TRIM66: variants seen among roughly 807,000 people sequenced by gnomAD.
TRIM66 encodes the protein tripartite motif containing 66, also known as tripartite motif-containing protein 66.
A neutral mutation model predicts 148.2 loss-of-function variants in TRIM66; 99 were observed. That is an observed-to-expected ratio of 0.67 (90% CI 0.57 to 0.79). The LOEUF (loss-of-function observed/expected upper bound fraction) is 0.79, where lower values mean the gene tolerates loss of function less well. Ranked by LOEUF, TRIM66 falls within the 30% of genes least tolerant of loss-of-function variation. The pLI is 0.00. For synonymous variants in TRIM66, 616 were observed against 635.9 expected (o/e 0.97, Z 0.47); for missense variants, 1,666 against 1,697.9 (o/e 0.98, Z 0.33).
At chr11:8,678,656 C>T (rs2039290870) in intron 3 of TRIM66, among the ~76,000 whole-genome samples, 1 of 152,182 alleles carries the variant, frequency 6.6e-6, no homozygotes, top group Admixed American at 6.5e-5. Context: ...AAAGCAGAAA[C>T]ACTGCTTCTT....
chr11:8,682,487 A>C, intron 1 of TRIM66, 114 bp downstream of exon 1: 1 of 450,246 alleles, frequency 2.2e-6, no homozygotes, highest in African/African-American at 2.1e-5. Context: ...TTCCCTGACC[A>C]AGGCGCCAGA....
chr11:8,619,610 A>G (rs1814960521), intron 22 of TRIM66, 75 bp from the exon 23 acceptor site: 4 of 1,346,672 alleles, frequency 3.0e-6, no homozygotes, highest in Non-Finnish European at 3.9e-6. Flanking sequence ...AAGAAGGAAG[A>G]AGAAATGGAA....
At chr11:8,660,758 T>C (rs552230729) in intron 6 of TRIM66, among the ~76,000 whole-genome samples, 1 of 152,368 alleles carries the variant, frequency 6.6e-6, no homozygotes, top group African/African-American at 2.4e-5. Flanking sequence ...TTGTGAACTC[T>C]AATTCTGATA....
rs2034165382 is a variant in TRIM66 at position 8,621,085 on chromosome 11, G to A, written c.3492C>T (p.Cys1164=). Residue 1164 remains cysteine, a synonymous_variant, in exon 20 of 25, where the codon TGC becomes TGT. Transcript: ENST00000646038. ...GGCAGGAGAGGTGGAACACTTTGGG[G>A]CAGCGGTCACAGCACAGTAACTCTC... ...NGGELLCCDR[C]PKVFHLSCHV... is the part of the protein sequence containing the mutation. 3 of 1,551,724 alleles carry A rather than the reference G, an allele frequency of 1.9e-6. No individual in the cohort carries two copies. The highest frequency in any genetic ancestry group is 2.0e-5 in the Admixed American group (1 of 51,006).
intron 12 of TRIM66, 114 bp from the exon 13 acceptor site, chr11:8,643,240 T>A: frequency 1.3e-6 from 1 of 768,182 alleles, no homozygotes; most frequent in Non-Finnish European, 2.1e-6. Flanking sequence ...CTTTAACCTC[T>A]GGTCATCCTC....
intron 17 of TRIM66, among the ~76,000 whole-genome samples, chr11:8,623,626 C>G (rs771624536): frequency 6.6e-6 from 1 of 152,048 alleles, no homozygotes; most frequent in Non-Finnish European, 1.5e-5. Context: ...ATACATTGAA[C>G]GAAAAAAGTC....
In TRIM66 at chr11:8,668,199, T is replaced by C. The variant is rs115817873; in HGVS notation, c.340+3587A>G. On this transcript the variant is annotated intron_variant, in intron 6 of 24. Coordinates refer to ENST00000646038, the MANE Select transcript of TRIM66 (RefSeq NM_001388022.1). ...TGTTGAGCATTTTTTCTTGGGCTTA[T>C]TGGTTATTTGTACTTCATCTTTGGA... 8.5e-3 allele frequency among the ~76,000 whole-genome samples: 1,300 copies of C among 152,330 alleles called. 19 individuals carry two copies. The highest frequency in any genetic ancestry group is 0.029 in the African/African-American group (1,223 of 41,568).
At chr11:8,646,704 C>G in intron 10 of TRIM66, 143 bp from the exon 11 acceptor site, 1 of 642,290 alleles carries the variant, frequency 1.6e-6, no homozygotes, top group Non-Finnish European at 2.7e-6. Context: ...AAAAGAGAGC[C>G]TTCCTCCACC....
chr11:8,652,088 T>G (rs2037407620), intron 6 of TRIM66, among the ~76,000 whole-genome samples, 185 bp from the exon 7 acceptor site: 1 of 152,176 alleles, frequency 6.6e-6, no homozygotes, highest in Admixed American at 6.5e-5. Flanking sequence ...ACCATCCCAT[T>G]GGGGCCTTCC....
At chr11:8,666,984 T>A (rs1294271072) in intron 6 of TRIM66, among the ~76,000 whole-genome samples, 2 of 151,148 alleles carry the variant, frequency 1.3e-5, no homozygotes, top group East Asian at 3.9e-4. Flanking sequence ...ACCCGGCAAC[T>A]TTTTTTTTGT....
chr11:8,665,883 A>C (rs2038558193), intron 6 of TRIM66, among the ~76,000 whole-genome samples: 1 of 150,894 alleles, frequency 6.6e-6, no homozygotes, highest in South Asian at 2.1e-4. Context: ...CGGGAGGTGG[A>C]GTTTGCAGTG....
intron 20 of TRIM66, 92 bp downstream of exon 20, chr11:8,620,940 A>G (rs2034150843): frequency 6.8e-7 from 1 of 1,466,082 alleles, no homozygotes; most frequent in Admixed American, 2.3e-5. Flanking sequence ...GAGTAAGCCC[A>G]TCCTGGGAGC....
chr11:8,617,663 C>T lies in TRIM66; in HGVS notation c.*281G>A, dbSNP rs770247549. ...CCAAGGAAAGTAGGTTTTCCCGAGC[C>T]TAACCAGGTGTGGTCTTGTCAAGTG... On this transcript the variant is annotated 3_prime_UTR_variant, in exon 25 of 25. Coordinates refer to ENST00000646038, the MANE Select transcript of TRIM66 (RefSeq NM_001388022.1). The T allele has an allele frequency of 1.7e-5, 7 of 407,344 alleles. No homozygotes were observed. The highest frequency in any genetic ancestry group is 2.6e-5 in the Non-Finnish European group (6 of 230,262). 25.2% of individuals were successfully genotyped at this position (407,344 alleles called of 1,614,324 possible).
chr11:8,645,380 G>A (rs938666569), intron 12 of TRIM66, among the ~76,000 whole-genome samples: 1 of 152,064 alleles, frequency 6.6e-6, no homozygotes, highest in Non-Finnish European at 1.5e-5. Context: ...TCAGACCCCC[G>A]TGTAAACCCC....
At chr11:8,644,484 T>C (rs1181233112) in intron 12 of TRIM66, 4 of 449,480 alleles carry the variant, frequency 8.9e-6, no homozygotes, top group Non-Finnish European at 1.8e-5. Context: ...CCAACTTGTA[T>C]CCCTTCTACC....
chr11:8,621,193 G>C lies in TRIM66; in HGVS notation c.3384C>G (p.Leu1128=). 1 of 1,551,734 alleles carries C rather than the reference G, an allele frequency of 6.4e-7. No homozygotes were observed. The highest frequency in any genetic ancestry group is 8.7e-7 in the Non-Finnish European group (1 of 1,146,994). The change falls in exon 20 of 25, where the codon CTC becomes CTG. Residue 1128 remains leucine (L), a synonymous_variant. Transcript: ENST00000646038. The part of the protein sequence containing the change: ...VEGTSPEEHR[L]IPRTPGAKKG... Reference sequence around the variant, plus strand: ...TCTTGGCTCCTGGGGTTCGAGGAATGAGTCTGTGTTCTTCAGGAGATGTGC... The same window carrying C: ...TCTTGGCTCCTGGGGTTCGAGGAATCAGTCTGTGTTCTTCAGGAGATGTGC...
chr11:8,669,612 C>T (rs989304654), intron 6 of TRIM66, among the ~76,000 whole-genome samples: 7 of 150,908 alleles, frequency 4.6e-5, no homozygotes, highest in African/African-American at 1.7e-4. Context: ...CACTGCACTC[C>T]AGCCTGGGCG....
rs977975080 is a variant in TRIM66 at position 8,672,317 on chromosome 11, C to G, written c.-43G>C. 4 of 1,535,914 alleles carry G rather than the reference C, an allele frequency of 2.6e-6. No homozygotes were observed. Among genetic ancestry groups the G allele is most frequent in the Non-Finnish European group, 3.5e-6 (4 of 1,146,878 alleles). ...AAGCGTGGAGGTGTCTGCTGTTTGT[C>G]TGAAGGCGAACAAACCCTTCAAAAG... On this transcript the variant is annotated 5_prime_UTR_variant, in exon 5 of 25. Coordinates refer to ENST00000646038, the MANE Select transcript of TRIM66 (RefSeq NM_001388022.1).
intron 3 of TRIM66, among the ~76,000 whole-genome samples, chr11:8,678,370 G>A (rs567059797): frequency 7.9e-5 from 12 of 152,254 alleles, no homozygotes; most frequent in East Asian, 1.9e-4. Context: ...GTAGTGATAC[G>A]AAAAACTGCC....
Sources: gnomAD v4.1 joint callset for allele counts (sites outside exome capture counted in the v4.1 genomes callset) on GRCh38, gnomAD v4.1.1 for gene constraint, MANE v1.5 for transcripts, NCBI Gene and HGNC (gene_info 2026-07-23, HGNC 2026-07-21) for gene names.